CAMK4: variants seen among roughly 807,000 people sequenced by gnomAD.
The protein encoded by CAMK4 is calcium/calmodulin dependent protein kinase IV, also known as calcium/calmodulin-dependent protein kinase type IV.
CAMK4 carries 22 observed loss-of-function variants against 44.9 expected under a neutral mutation model. The observed-to-expected ratio is 0.49, with a 90% CI of 0.35 to 0.70. The LOEUF is 0.70. CAMK4 is among the 30% of genes least tolerant of loss of function. CAMK4 has a pLI of 0.01. For missense variants in CAMK4, 498 were observed against 586.8 expected (o/e 0.85, Z 1.56); for synonymous variants, 218 against 215.4 (o/e 1.01, Z -0.11).
At chr5:111,400,094 T>C (rs1752168012) in intron 5 of CAMK4, among the ~76,000 whole-genome samples, 1 of 151,340 alleles carries the variant, frequency 6.6e-6, no homozygotes, top group Non-Finnish European at 1.5e-5. Context: ...AATTAACGTA[T>C]AGCTAATCCT....
intron 1 of CAMK4, among the ~76,000 whole-genome samples, chr5:111,263,659 C>A (rs1012660385): frequency 4.6e-5 from 7 of 152,110 alleles, no homozygotes; most frequent in Non-Finnish European, 1.0e-4. Context: ...AAAATGTAAA[C>A]CAGTCCAAAT....
In CAMK4 at chr5:111,478,474, G is replaced by T; in HGVS notation, c.795G>T (p.Trp265Cys). Reference protein sequence around the residue: ...LNCEYYFISPWWDEVSLNAKD... With the variant: ...LNCEYYFISPCWDEVSLNAKD... ...GTGAATATTACTTTATCTCCCCCTG[G>T]TGGGATGAAGTATCTCTAAATGCCA... Residue 265 changes from tryptophan (W) to cysteine (C), a missense_variant, in exon 9 of 11, where the codon TGG (tryptophan) becomes TGT (cysteine). Trp to Cys is a radical substitution (Grantham distance 215). Coordinates refer to ENST00000282356, the MANE Select transcript of CAMK4 (RefSeq NM_001744.6). 1 of 1,547,452 alleles carries T rather than the reference G, an allele frequency of 6.5e-7. No homozygotes were observed. Among genetic ancestry groups the T allele is most frequent in the East Asian group, 2.3e-5 (1 of 43,852 alleles).
chr5:111,431,835 G>C (rs931775114), intron 5 of CAMK4, among the ~76,000 whole-genome samples: 1 of 152,148 alleles, frequency 6.6e-6, no homozygotes, highest in African/African-American at 2.4e-5. Context: ...AGTTAAAGTG[G>C]CTTATACCCA....
chr5:111,407,541 T>TA (rs1752481619), intron 5 of CAMK4, among the ~76,000 whole-genome samples: 1 of 151,956 alleles, frequency 6.6e-6, no homozygotes, highest in African/African-American at 2.4e-5. Context: ...TTAATTACAT[T>TA]AAAAAATGCT....
chr5:111,293,241 G>A (rs1424527344), intron 1 of CAMK4, among the ~76,000 whole-genome samples: 1 of 152,152 alleles, frequency 6.6e-6, no homozygotes, highest in Non-Finnish European at 1.5e-5. Flanking sequence ...ATTCTGGGGT[G>A]CCCAGAGGAC....
At chr5:111,364,032 C>G (rs1750697188) in intron 2 of CAMK4, among the ~76,000 whole-genome samples, 1 of 151,962 alleles carries the variant, frequency 6.6e-6, no homozygotes, top group African/African-American at 2.4e-5. Flanking sequence ...GAAATCAGAC[C>G]AGAATGGTGA....
rs251126 is a variant in CAMK4, at chr5:111,409,842, A to G, written c.459+15060A>G. ...GTGACCTTTACTCCAGTTCCCAAGA[A>G]GTTCCTCATCTCCATTTGAGTCCAC... On this transcript the variant is annotated intron_variant, in intron 5 of 10. Coordinates refer to ENST00000282356, the MANE Select transcript of CAMK4 (RefSeq NM_001744.6). Among the ~76,000 whole-genome samples the G allele has an allele frequency of 9.9e-4, 150 of 152,278 alleles. 2 individuals carry two copies. The East Asian group carries it at 0.027, about 28-fold the overall frequency.
intron 2 of CAMK4, among the ~76,000 whole-genome samples, chr5:111,361,237 A>G (rs1390476365): frequency 6.6e-6 from 1 of 152,016 alleles, no homozygotes; most frequent in Non-Finnish European, 1.5e-5. Flanking sequence ...TTATTATTTA[A>G]CAGTATACAA....
chr5:111,256,848 C>G (rs916612421), intron 1 of CAMK4, among the ~76,000 whole-genome samples: 1 of 152,250 alleles, frequency 6.6e-6, no homozygotes, highest in Admixed American at 6.5e-5. Flanking sequence ...CTTTGGTCTT[C>G]TGTATTTTGA....
rs189624956 is a variant in CAMK4, at chr5:111,357,034, C to T, written c.240+12932C>T. ...TTGCCCAAAAGATGAATTTACTTTG[C>T]TGGTATGCCATCCACTCAAATTATG... On this transcript the variant is annotated intron_variant, in intron 2 of 10. Coordinates refer to ENST00000282356, the MANE Select transcript of CAMK4 (RefSeq NM_001744.6). 1.9e-4 allele frequency among the ~76,000 whole-genome samples: 29 copies of T among 152,162 alleles called. No homozygotes were observed. The East Asian group carries it at 4.7e-3, about 24-fold the overall frequency.
Position 111,359,939 on chromosome 5 carries a change from TAAATC to T in CAMK4, c.241-14907_241-14903del, listed in dbSNP as rs963636483. Among the ~76,000 whole-genome samples the T allele has an allele frequency of 2.2e-4, 34 of 152,194 alleles. No individual in the cohort carries two copies. The East Asian group carries it at 6.0e-3, about 27-fold the overall frequency. On this transcript the variant is annotated intron_variant, in intron 2 of 10. Coordinates refer to ENST00000282356, the MANE Select transcript of CAMK4 (RefSeq NM_001744.6). ...AACTGTATATGATACCTTTTATTGA[TAAATC>T]AAAGCAGATCCAAGATTATCATCCT...
At chr5:111,384,150 A>G (rs537514201) in intron 4 of CAMK4, among the ~76,000 whole-genome samples, 8 of 152,298 alleles carry the variant, frequency 5.3e-5, no homozygotes, top group African/African-American at 1.9e-4. Context: ...GAAGATTTTA[A>G]GTGAGATTGT....
intron 2 of CAMK4, among the ~76,000 whole-genome samples, chr5:111,361,571 G>A (rs3797757): frequency 0.11 from 16,237 of 152,008 alleles, 1,431 homozygotes; most frequent in African/African-American, 0.23. Context: ...AAAGGACGGA[G>A]TATATTACAC....
At chr5:111,270,315 C>T (rs1281330128) in intron 1 of CAMK4, among the ~76,000 whole-genome samples, 1 of 152,146 alleles carries the variant, frequency 6.6e-6, no homozygotes, top group Non-Finnish European at 1.5e-5. Flanking sequence ...TCTTCCTTTT[C>T]CTGTCCATTT....
chr5:111,324,296 C>G (rs938337508), intron 1 of CAMK4, among the ~76,000 whole-genome samples: 2 of 151,590 alleles, frequency 1.3e-5, no homozygotes, highest in African/African-American at 4.8e-5. Flanking sequence ...TCAAGATTAT[C>G]TATAGGAGAT....
intron 5 of CAMK4, among the ~76,000 whole-genome samples, chr5:111,427,237 C>T (rs1241119421): frequency 6.6e-6 from 1 of 152,162 alleles, no homozygotes; most frequent in African/African-American, 2.4e-5. Context: ...CATTTCTAAA[C>T]ACACTCTGGG....
chr5:111,283,402 C>T (rs143721727), intron 1 of CAMK4, among the ~76,000 whole-genome samples: 4 of 152,292 alleles, frequency 2.6e-5, no homozygotes, highest in Non-Finnish European at 4.4e-5. Flanking sequence ...TTAATCACTG[C>T]TTGATTCAGT....
At chr5:111,362,647 A>G (rs777707432) in intron 2 of CAMK4, among the ~76,000 whole-genome samples, 3 of 151,986 alleles carry the variant, frequency 2.0e-5, no homozygotes, top group Non-Finnish European at 4.4e-5. Context: ...ATTTCCTTCT[A>G]TCCCTGACAA....
chr5:111,395,392 G>T (rs1751968871), intron 5 of CAMK4, among the ~76,000 whole-genome samples: 1 of 150,914 alleles, frequency 6.6e-6, no homozygotes, highest in Non-Finnish European at 1.5e-5. Context: ...TGAGATTTTG[G>T]TGCCTTTATT....
Sources: allele counts gnomAD v4.1 joint callset (sites outside exome capture counted in the v4.1 genomes callset), GRCh38; gene constraint gnomAD v4.1.1; transcripts MANE v1.5; gene names NCBI Gene and HGNC (gene_info 2026-07-23, HGNC 2026-07-21).